Variants in TENM2 observed in about 807,000 individuals in gnomAD.
The protein encoded by TENM2 is teneurin transmembrane protein 2, also known as teneurin-2.
TENM2 carries 52 observed loss-of-function variants against 245.2 expected under a neutral mutation model. The ratio of observed to expected loss-of-function variants is 0.21; its 90% CI spans 0.17 to 0.27. The LOEUF is 0.27. TENM2 is among the 10% of genes least tolerant of loss of function. TENM2 has a pLI of 1.00. For synonymous variants in TENM2, 1,363 were observed against 1,438.9 expected (o/e 0.95, Z 1.19); for missense variants, 3,046 against 3,666.8 (o/e 0.83, Z 4.37).
At chr5:167,372,153 C>T (rs904989817) in intron 1 of TENM2, among the ~76,000 whole-genome samples, 3 of 152,040 alleles carry the variant, frequency 2.0e-5, no homozygotes, top group African/African-American at 7.2e-5. Flanking sequence ...TAAACATACT[C>T]ATTTAGCTTT....
At chr5:168,200,243 C>T in intron 17 of TENM2, 112 bp downstream of exon 19, 1 of 950,024 alleles carries the variant, frequency 1.1e-6, no homozygotes, top group Non-Finnish European at 1.6e-6. Context: ...TAGATAAGGA[C>T]ACGATGGCCA....
At chr5:167,819,321 T>C (rs921536303) in intron 2 of TENM2, among the ~76,000 whole-genome samples, 17 of 152,084 alleles carry the variant, frequency 1.1e-4, no homozygotes, top group African/African-American at 3.9e-4. Flanking sequence ...TCATTGGAAG[T>C]GACAGTCACT....
chr5:167,589,333 T>G (rs896858053), intron 2 of TENM2, among the ~76,000 whole-genome samples: 1 of 152,186 alleles, frequency 6.6e-6, no homozygotes, highest in African/African-American at 2.4e-5. Flanking sequence ...CACAAATTAT[T>G]TAACAATAGT....
At chr5:167,821,538 A>G (rs1030681283) in intron 2 of TENM2, among the ~76,000 whole-genome samples, 2 of 152,222 alleles carry the variant, frequency 1.3e-5, no homozygotes, top group Non-Finnish European at 2.9e-5. Flanking sequence ...GAAACCATCT[A>G]TATAGCACAC....
intron 2 of TENM2, among the ~76,000 whole-genome samples, chr5:167,598,421 C>G (rs1041301343): frequency 2.0e-5 from 3 of 152,080 alleles, no homozygotes; most frequent in Non-Finnish European, 4.4e-5. Flanking sequence ...CCTGAAATCT[C>G]AAGGGGGACT....
chr5:167,924,176 A>T (rs150955866), intron 3 of TENM2, among the ~76,000 whole-genome samples: 1 of 152,138 alleles, frequency 6.6e-6, no homozygotes, highest in Non-Finnish European at 1.5e-5. Flanking sequence ...TCAGTCCCAT[A>T]TTTGTCTTCA....
chr5:167,341,434 TAGTACTTTGGCA>T (rs1758090804), intron 1 of TENM2, among the ~76,000 whole-genome samples: 1 of 152,176 alleles, frequency 6.6e-6, no homozygotes. Context: ...CTGAATTATC[TAGTACTTTGGCA>T]AAGGACAAAT....
the TENM2 span, among the ~76,000 whole-genome samples, chr5:167,153,915 C>T: frequency 6.6e-6 from 1 of 152,070 alleles, no homozygotes; most frequent in Admixed American, 6.6e-5. Flanking sequence ...CTGTTTCTAT[C>T]TTTGTTAACA....
chr5:167,160,852 A>C, the TENM2 span, among the ~76,000 whole-genome samples: 1 of 152,240 alleles, frequency 6.6e-6, no homozygotes, highest in East Asian at 1.9e-4. Context: ...AAGGAAGCTC[A>C]GTAAATATTG....
chr5:167,525,384 G>T (rs1167079567), intron 2 of TENM2, among the ~76,000 whole-genome samples: 1 of 152,062 alleles, frequency 6.6e-6, no homozygotes, highest in Middle Eastern at 3.2e-3. Context: ...GTTTCCTAGA[G>T]AAGTTATTTA....
At chr5:167,561,730 T>A (rs941434632) in intron 2 of TENM2, among the ~76,000 whole-genome samples, 5 of 152,192 alleles carry the variant, frequency 3.3e-5, no homozygotes, top group Admixed American at 2.0e-4. Flanking sequence ...AATTTACACC[T>A]CATTGTTAAG....
intron 19 of TENM2, among the ~76,000 whole-genome samples, chr5:168,206,916 A>C (rs1479830522): frequency 6.6e-6 from 1 of 152,136 alleles, no homozygotes; most frequent in African/African-American, 2.4e-5. Flanking sequence ...ATCAGCCCTC[A>C]CCTGGTACAG....
chr5:167,314,548 G>T (rs2127760047), intron 1 of TENM2, among the ~76,000 whole-genome samples: 1 of 152,176 alleles, frequency 6.6e-6, no homozygotes, highest in East Asian at 1.9e-4. Context: ...CTTAATATGT[G>T]ATTTAACATA....
the TENM2 span, among the ~76,000 whole-genome samples, chr5:167,227,434 T>G: frequency 2.6e-5 from 4 of 152,198 alleles, no homozygotes; most frequent in Non-Finnish European, 5.9e-5. Context: ...TGAGCGTTTC[T>G]TGTAGGGCCA....
At chr5:167,407,663 C>A (rs1301252018) in intron 2 of TENM2, among the ~76,000 whole-genome samples, 1 of 151,980 alleles carries the variant, frequency 6.6e-6, no homozygotes, top group African/African-American at 2.4e-5. Flanking sequence ...ACTAAAAATA[C>A]AAAAATTAGC....
chr5:167,055,887 G>T, the TENM2 span, among the ~76,000 whole-genome samples: 1 of 151,920 alleles, frequency 6.6e-6, no homozygotes, highest in African/African-American at 2.4e-5. Context: ...TTCACAATCT[G>T]TATACCGCTT....
At chr5:167,342,966 ATTC>A (rs770958591) in intron 1 of TENM2, among the ~76,000 whole-genome samples, 7 of 151,640 alleles carry the variant, frequency 4.6e-5, no homozygotes, top group African/African-American at 1.2e-4. Context: ...ATGATTTGGA[ATTC>A]TTCTATATGG....
At chr5:167,766,979 A>G (rs1394975732) in intron 2 of TENM2, among the ~76,000 whole-genome samples, 1 of 152,214 alleles carries the variant, frequency 6.6e-6, no homozygotes. Context: ...ATTGCTGTGG[A>G]AAAAAGTGTA....
At chr5:167,651,935 G>A (rs1754497497) in intron 2 of TENM2, among the ~76,000 whole-genome samples, 1 of 152,138 alleles carries the variant, frequency 6.6e-6, no homozygotes, top group South Asian at 2.1e-4. Flanking sequence ...AGCACAGAAT[G>A]CAGATGGCAT....
Sources: allele counts gnomAD v4.1 joint callset (sites outside exome capture counted in the v4.1 genomes callset), GRCh38; gene constraint gnomAD v4.1.1; transcripts MANE v1.5; gene names NCBI Gene and HGNC (gene_info 2026-07-23, HGNC 2026-07-21).